Variants in TMC2 observed in about 807,000 individuals in gnomAD.
The protein encoded by TMC2 is transmembrane channel like 2.
A neutral mutation model predicts 105.9 loss-of-function variants in TMC2; 102 were observed. The observed-to-expected ratio is 0.96, with a 90% CI of 0.82 to 1.14. The LOEUF (loss-of-function observed/expected upper bound fraction) is 1.14, where lower values mean the gene tolerates loss of function less well. TMC2 is among the 50% of genes most tolerant of loss of function. The pLI, the probability that TMC2 is intolerant of heterozygous loss-of-function variation, is 0.00. For synonymous variants in TMC2, 402 were observed against 422.8 expected, an observed-to-expected ratio of 0.95 and a Z score of 0.60; for missense variants, 1,093 against 1,134.3, an observed-to-expected ratio of 0.96 and a Z score of 0.52.
At chr20:2,614,882 A>C (rs1220380405) in intron 14 of TMC2, among the ~76,000 whole-genome samples, 1 of 152,106 alleles carries the variant, frequency 6.6e-6, no homozygotes, top group Non-Finnish European at 1.5e-5. Flanking sequence ...TAGGCACATC[A>C]AAGTCTTAAA....
intron 2 of TMC2, among the ~76,000 whole-genome samples, chr20:2,539,196 A>G (rs1217462134): frequency 6.6e-6 from 1 of 152,240 alleles, no homozygotes; most frequent in South Asian, 2.1e-4. Flanking sequence ...CTAGCAAGAC[A>G]GCTGCCTTTC....
intron 2 of TMC2, among the ~76,000 whole-genome samples, chr20:2,556,176 C>T (rs1019588828): frequency 1.3e-5 from 2 of 152,160 alleles, no homozygotes; most frequent in African/African-American, 4.8e-5. Flanking sequence ...GCAACCTCCA[C>T]CTCCTAGCGT....
At position 2,558,838 on chromosome 20, in the gene TMC2, C is replaced by A; in HGVS notation, c.401+64C>A. 1 of 1,457,206 alleles carries A rather than the reference C, an allele frequency of 6.9e-7. No homozygotes were observed. Among genetic ancestry groups the A allele is most frequent in the East Asian group, 2.4e-5 (1 of 41,596 alleles). 90.3% of individuals were successfully genotyped at this position (1,457,206 alleles called of 1,614,324 possible). On this transcript the variant is annotated intron_variant, in intron 3 of 19. Coordinates refer to ENST00000358864, the MANE Select transcript of TMC2 (RefSeq NM_080751.3). This position sits in a 1 kb window ranked among gnomAD's most constrained non-coding sequence, Gnocchi z 4.6. Reference sequence around the variant, plus strand: ...GCTCCCGCTCCTTCGCGGCCCTTCCCCTTCCCCCGTGAGGGACTGATGCCC... The same window carrying A: ...GCTCCCGCTCCTTCGCGGCCCTTCCACTTCCCCCGTGAGGGACTGATGCCC...
At chr20:2,559,843 C>G (rs1382004180) in intron 3 of TMC2, among the ~76,000 whole-genome samples, 1 of 152,054 alleles carries the variant, frequency 6.6e-6, no homozygotes, top group Non-Finnish European at 1.5e-5. Flanking sequence ...GTGAATGCAC[C>G]GTTGATGGGC....
intron 4 of TMC2, among the ~76,000 whole-genome samples, chr20:2,569,073 T>C (rs771664634): frequency 6.6e-6 from 1 of 152,092 alleles, no homozygotes; most frequent in Non-Finnish European, 1.5e-5. Flanking sequence ...CATGATTGGG[T>C]TTATCTAGTG....
intron 7 of TMC2, among the ~76,000 whole-genome samples, chr20:2,586,334 C>T (rs935473466): frequency 2.6e-5 from 4 of 152,106 alleles, no homozygotes; most frequent in African/African-American, 9.7e-5. Context: ...TGTGTTCAAA[C>T]AGGAGAAAAA....
Position 2,558,121 on chromosome 20 carries a change from T to C in TMC2, c.83-335T>C, listed in dbSNP as rs1268276839. On this transcript the variant is annotated intron_variant, in intron 2 of 19. Coordinates refer to ENST00000358864, the MANE Select transcript of TMC2 (RefSeq NM_080751.3). The surrounding 1 kb of genome is among the most constrained non-coding windows in gnomAD (Gnocchi z 4.6). ...GTCATGGTAATCAACCAGGGGGAAGTAGCAAGGCCTGTTTGTTCCGATTCC... is the reference window on the plus strand; with the variant it reads ...GTCATGGTAATCAACCAGGGGGAAGCAGCAAGGCCTGTTTGTTCCGATTCC... The C allele has an allele frequency of 3.3e-6, 1 of 306,864 alleles. No individual in the cohort carries two copies. The highest frequency in any genetic ancestry group is 2.2e-5 in the African/African-American group (1 of 45,738). The allele number at this position is 306,864 out of a possible 1,614,324, so 19.0% of individuals were successfully genotyped here.
Position 2,642,070 on chromosome 20 carries a change from G to A in TMC2, c.*719G>A. Among the ~76,000 whole-genome samples the A allele has an allele frequency of 9.3e-6, 1 of 107,524 alleles. No homozygotes were observed. The highest frequency in any genetic ancestry group is 4.5e-4 in the East Asian group (1 of 2,234). 70.5% of individuals were successfully genotyped at this position (107,524 alleles called of 152,430 possible). A position where few individuals can be genotyped will look rare whatever the true frequency, so the allele number is the denominator to read the frequency against. The stretch of plus-strand genomic sequence containing the variant: ...ACTGCACTCCAGTCTGGGCAACAGA[G>A]TGAGACGCTGTCTTAACAACAACAA... On this transcript the variant is annotated 3_prime_UTR_variant, in exon 20 of 20. Coordinates refer to ENST00000358864, the MANE Select transcript of TMC2 (RefSeq NM_080751.3).
intron 5 of TMC2, among the ~76,000 whole-genome samples, chr20:2,573,931 T>C (rs2086123931): frequency 6.6e-6 from 1 of 152,222 alleles, no homozygotes; most frequent in African/African-American, 2.4e-5. Flanking sequence ...TTCTCCTAAA[T>C]GTGACATCTC....
At chr20:2,557,570 G>A (rs558764748) in intron 2 of TMC2, among the ~76,000 whole-genome samples, 124 of 152,042 alleles carry the variant, frequency 8.2e-4, no homozygotes, top group African/African-American at 2.7e-3. Flanking sequence ...CGCTCTTGTC[G>A]CTTAGGCTGG....
rs1445621110 is a variant in TMC2, at chr20:2,616,314, T to G, written c.1940+110T>G. 13 of 853,008 alleles carry G rather than the reference T, an allele frequency of 1.5e-5. No homozygotes were observed. In the Admixed American group the frequency reaches 2.3e-4, roughly 15 times the overall value. The allele number at this position is 853,008 out of a possible 1,614,324, so 52.8% of individuals were successfully genotyped here. On this transcript the variant is annotated intron_variant, in intron 15 of 19. Transcript: ENST00000358864. The surrounding 1 kb of genome is among the most constrained non-coding windows in gnomAD (Gnocchi z 4.8). ...AAGAGGCTAGATAAGTCCTCTTGCC[T>G]CTCTGAACTCCCCTCTTTCACATGA...
chr20:2,612,473 T>A, intron 13 of TMC2, 133 bp downstream of exon 13: 2 of 870,370 alleles, frequency 2.3e-6, no homozygotes, highest in South Asian at 3.9e-5. Context: ...CATAATCATC[T>A]AGGAGGAAAT....
intron 16 of TMC2, among the ~76,000 whole-genome samples, chr20:2,619,797 T>C (rs191550868): frequency 1.8e-4 from 28 of 152,296 alleles, no homozygotes; most frequent in African/African-American, 6.7e-4. Flanking sequence ...GGGCCCTGGG[T>C]GCAAATGCCA....
intron 11 of TMC2, among the ~76,000 whole-genome samples, chr20:2,604,972 C>T (rs1205265865): frequency 6.6e-6 from 1 of 152,182 alleles, no homozygotes; most frequent in Non-Finnish European, 1.5e-5. Context: ...AATGACCAAA[C>T]CCAAGAAGGG....
intron 11 of TMC2, among the ~76,000 whole-genome samples, chr20:2,605,649 G>A (rs1167381895): frequency 1.3e-5 from 2 of 152,180 alleles, no homozygotes; most frequent in African/African-American, 2.4e-5. Flanking sequence ...TGTGGGAGGA[G>A]GAGGAGACAC....
chr20:2,537,509 G>A (rs953535482), intron 2 of TMC2, among the ~76,000 whole-genome samples, 193 bp downstream of exon 2: 4 of 152,176 alleles, frequency 2.6e-5, no homozygotes, highest in Non-Finnish European at 5.9e-5. Context: ...AGAAGGTGCT[G>A]CTCAGCCCTC....
chr20:2,600,701 G>T (rs1291823323), intron 10 of TMC2, among the ~76,000 whole-genome samples: 1 of 152,186 alleles, frequency 6.6e-6, no homozygotes, highest in Non-Finnish European at 1.5e-5. Flanking sequence ...GCGGGTGCCT[G>T]TAGTTCCAGC....
intron 16 of TMC2, among the ~76,000 whole-genome samples, chr20:2,619,893 T>C (rs367618339): frequency 8.5e-5 from 13 of 152,216 alleles, no homozygotes; most frequent in East Asian, 3.9e-4. Context: ...TCTCCTACAG[T>C]TGTATGGAAA....
At chr20:2,559,057 G>A (rs920674600) in intron 3 of TMC2, among the ~76,000 whole-genome samples, 3 of 151,974 alleles carry the variant, frequency 2.0e-5, no homozygotes, top group African/African-American at 7.2e-5. Context: ...CGGGTGGAGA[G>A]GTGGCGGGGC....
Sources: gnomAD v4.1 joint callset for allele counts (sites outside exome capture counted in the v4.1 genomes callset) on GRCh38, gnomAD v4.1.1 for gene constraint, Gnocchi (gnomAD v3.1) non-coding constraint, MANE v1.5 for transcripts, NCBI Gene and HGNC (gene_info 2026-07-23, HGNC 2026-07-21) for gene names.